Variants in UST observed in about 807,000 individuals in gnomAD.
UST encodes uronyl 2-sulfotransferase.
Under a neutral mutation model 45.6 loss-of-function variants are expected in UST, and 21 were observed. That is an observed-to-expected ratio of 0.46 (90% CI 0.33 to 0.66). The LOEUF (loss-of-function observed/expected upper bound fraction) is 0.66, where lower values mean the gene tolerates loss of function less well. Ranked by LOEUF, UST falls within the 30% of genes least tolerant of loss-of-function variation. UST has a pLI of 0.02. For missense variants in UST, 463 were observed against 512.4 expected (o/e 0.90, Z 0.93); for synonymous variants, 215 against 200.6 (o/e 1.07, Z -0.61).
chr6:148,956,732 T>A lies in UST; in HGVS notation c.527+2781T>A, dbSNP rs568442177. On this transcript the variant is annotated intron_variant, in intron 4 of 7. Transcript: ENST00000367463. ...TGCTTCTCCTCCCTCAGTTCTATTT[T>A]ACTCAATTAAACACATGTCTATGGA... Among the ~76,000 whole-genome samples the A allele has an allele frequency of 4.6e-5, 7 of 152,306 alleles. No individual in the cohort carries two copies. The South Asian group carries it at 1.5e-3, about 32-fold the overall frequency.
chr6:149,055,917 A>G (rs1296682442), intron 7 of UST, among the ~76,000 whole-genome samples: 1 of 152,150 alleles, frequency 6.6e-6, no homozygotes, highest in Non-Finnish European at 1.5e-5. Context: ...AACTACCTTC[A>G]TTTATAGCCT....
At chr6:148,978,120 C>T (rs899850112) in intron 5 of UST, among the ~76,000 whole-genome samples, 3 of 152,114 alleles carry the variant, frequency 2.0e-5, no homozygotes, top group Admixed American at 2.0e-4. Context: ...CTATGTTTGT[C>T]AAGAAATTTT....
chr6:148,883,774 A>G (rs139581971), intron 1 of UST, among the ~76,000 whole-genome samples: 2 of 152,188 alleles, frequency 1.3e-5, no homozygotes, highest in Non-Finnish European at 2.9e-5. Flanking sequence ...ACTTCTGCAC[A>G]ATGTGTGTCC....
At chr6:148,803,404 C>A (rs1298443204) in intron 1 of UST, among the ~76,000 whole-genome samples, 2 of 152,164 alleles carry the variant, frequency 1.3e-5, no homozygotes, top group East Asian at 3.8e-4. Flanking sequence ...GGCATCAACC[C>A]TAACAGAAAT....
intron 1 of UST, among the ~76,000 whole-genome samples, chr6:148,753,333 G>A (rs1776025673): frequency 6.6e-6 from 1 of 152,098 alleles, no homozygotes; most frequent in Non-Finnish European, 1.5e-5. Flanking sequence ...TTTACTTTCT[G>A]TCTGTATAGA....
At chr6:148,886,722 G>A (rs184305957) in intron 1 of UST, among the ~76,000 whole-genome samples, 1 of 152,144 alleles carries the variant, frequency 6.6e-6, no homozygotes, top group Non-Finnish European at 1.5e-5. Flanking sequence ...TGAGAATAAT[G>A]GTGCGTGTTA....
At chr6:148,914,257 A>T (rs1779538579) in intron 2 of UST, among the ~76,000 whole-genome samples, 1 of 152,176 alleles carries the variant, frequency 6.6e-6, no homozygotes, top group African/African-American at 2.4e-5. Flanking sequence ...GTATAGTCTT[A>T]ACTTTCATAC....
At chr6:148,821,490 A>G in intron 1 of UST, among the ~76,000 whole-genome samples, 1 of 152,222 alleles carries the variant, frequency 6.6e-6, no homozygotes, top group East Asian at 1.9e-4. Context: ...TATCACTTCA[A>G]TAAAATGGCA....
intron 5 of UST, among the ~76,000 whole-genome samples, chr6:148,983,066 T>C (rs974989557): frequency 1.3e-5 from 2 of 152,238 alleles, no homozygotes; most frequent in Non-Finnish European, 2.9e-5. Context: ...GCACTGAGAA[T>C]TTTAAGATTC....
rs138959769 is a variant in UST, at chr6:149,048,950, G to A, written c.938-24883G>A. Among the ~76,000 whole-genome samples the A allele has an allele frequency of 4.8e-4, 73 of 152,344 alleles. 2 individuals are homozygous for A. The East Asian group carries it at 0.013, about 28-fold the overall frequency. On this transcript the variant is annotated intron_variant, in intron 7 of 7. Transcript: ENST00000367463. ...GCACATTGTTAACCCCTGGGGTAAAGAGCAAGTTAGTGATACATCTTAAAA... is the reference window on the plus strand; with the variant it reads ...GCACATTGTTAACCCCTGGGGTAAAAAGCAAGTTAGTGATACATCTTAAAA...
chr6:148,884,132 C>CAAAAAAA (rs35086035), intron 1 of UST, among the ~76,000 whole-genome samples: 2 of 94,854 alleles, frequency 2.1e-5, no homozygotes, highest in African/African-American at 6.8e-5. Flanking sequence ...GACACCGTCT[C>CAAAAAAA]AAAAAAAAAA....
In UST at chr6:148,747,457, C is replaced by A. The variant is rs1449253816; in HGVS notation, c.27C>A (p.Gly9=). The A allele has an allele frequency of 1.4e-6, 2 of 1,428,454 alleles. No individual in the cohort carries two copies. The highest frequency in any genetic ancestry group is 1.8e-6 in the Non-Finnish European group (2 of 1,088,956). 88.5% of individuals were successfully genotyped at this position (1,428,454 alleles called of 1,614,324 possible). ...TGAAGAAGAAGCAGCAGCATCCCGG[C>A]GGCGGCGCGGATCCCTGGCCCCATG... is the stretch of plus-strand genomic sequence containing the variant. The part of the protein sequence containing the change: MKKKQQHP[G]GGADPWPHGA... The change falls in exon 1 of 8, where the codon GGC becomes GGA. Residue 9 remains glycine, a synonymous_variant. Coordinates refer to ENST00000367463, the MANE Select transcript of UST (RefSeq NM_005715.3).
rs535896976 is a variant in UST, at chr6:148,835,311, GA to G, written c.248-51674del. On this transcript the variant is annotated intron_variant, in intron 1 of 7. Coordinates refer to ENST00000367463, the MANE Select transcript of UST (RefSeq NM_005715.3). The stretch of plus-strand genomic sequence containing the variant: ...AAATACTATGCCATATAATATCAGG[GA>G]CTTGAGCATCCTTAGATTTTGGTGT... Among the ~76,000 whole-genome samples, 900 of 152,254 alleles carry G rather than the reference GA, an allele frequency of 5.9e-3. 2 individuals are homozygous for G. Among genetic ancestry groups the G allele is most frequent in the Non-Finnish European group, 9.4e-3 (636 of 68,020 alleles).
At chr6:148,949,381 G>A (rs1780316155) in intron 3 of UST, among the ~76,000 whole-genome samples, 1 of 146,420 alleles carries the variant, frequency 6.8e-6, no homozygotes. Context: ...CTGGGCAGCA[G>A]AGACTTTGTC....
At chr6:148,863,519 C>T (rs1325008948) in intron 1 of UST, among the ~76,000 whole-genome samples, 1 of 152,220 alleles carries the variant, frequency 6.6e-6, no homozygotes, top group Non-Finnish European at 1.5e-5. Context: ...CAAAGTCATT[C>T]TCCGTCCAGC....
At chr6:148,828,741 C>A (rs1281227757) in intron 1 of UST, among the ~76,000 whole-genome samples, 2 of 152,106 alleles carry the variant, frequency 1.3e-5, no homozygotes, top group African/African-American at 4.8e-5. Context: ...AGCTTTGGAG[C>A]AAAAGTATTC....
chr6:149,016,245 A>G (rs1482412648), intron 5 of UST, among the ~76,000 whole-genome samples: 2 of 152,158 alleles, frequency 1.3e-5, no homozygotes, highest in Admixed American at 6.5e-5. Flanking sequence ...TAAAACTAGG[A>G]ATTTATGTCT....
At chr6:148,914,342 C>T (rs1266417497) in intron 2 of UST, among the ~76,000 whole-genome samples, 1 of 146,338 alleles carries the variant, frequency 6.8e-6, no homozygotes, top group East Asian at 2.0e-4. Context: ...CAGTGGTCCC[C>T]AACCTTTTTG....
intron 1 of UST, among the ~76,000 whole-genome samples, chr6:148,826,265 A>G (rs1232384002): frequency 1.3e-5 from 2 of 152,148 alleles, no homozygotes; most frequent in Non-Finnish European, 2.9e-5. Context: ...GGCATGTGCC[A>G]CCATGCCGGG....
Sources: gnomAD v4.1 joint callset for allele counts (sites outside exome capture counted in the v4.1 genomes callset) on GRCh38, gnomAD v4.1.1 for gene constraint, MANE v1.5 for transcripts, NCBI Gene and HGNC (gene_info 2026-07-23, HGNC 2026-07-21) for gene names.